PCK2: variants seen among roughly 807,000 people sequenced by gnomAD.
PCK2 encodes phosphoenolpyruvate carboxykinase 2, mitochondrial, also known as phosphoenolpyruvate carboxykinase [GTP], mitochondrial.
Under a neutral mutation model 65.9 loss-of-function variants are expected in PCK2, and 56 were observed. The ratio of observed to expected loss-of-function variants is 0.85; its 90% CI spans 0.69 to 1.06. The LOEUF (loss-of-function observed/expected upper bound fraction) is 1.06, where lower values mean the gene tolerates loss of function less well. PCK2 is among the 50% of genes least tolerant of loss of function. The probability of loss-of-function intolerance (pLI) is 0.00; values close to 1 mark genes in which losing one functional copy is unlikely to be tolerated. For missense variants in PCK2, 843 were observed against 863.1 expected, an observed-to-expected ratio of 0.98 and a Z score of 0.29; for synonymous variants, 305 against 319.6, an observed-to-expected ratio of 0.95 and a Z score of 0.49.
chr14:24,103,357 T>C, intron 9 of PCK2, 102 bp downstream of exon 9: 1 of 1,165,598 alleles, frequency 8.6e-7, no homozygotes, highest in Non-Finnish European at 1.3e-6. Context: ...TGGAGTCTGA[T>C]ATGGCCCCAC....
Position 24,102,812 on chromosome 14 carries a change from C to G in PCK2, c.1294C>G (p.Pro432Ala). ...SRFCAPARQC[P>A]IMDPAWEAPE... ...ATTTTGTGCCCCGGCTCGCCAGTGC[C>G]CCATCATGGACCCAGCCTGGGAGGC... Residue 432 changes from proline to alanine, a missense_variant, in exon 8 of 10, where the codon CCC becomes GCC. Transcript: ENST00000216780. The G allele has an allele frequency of 6.2e-7, 1 of 1,613,806 alleles. No individual in the cohort carries two copies. Among genetic ancestry groups the G allele is most frequent in the Non-Finnish European group, 8.5e-7 (1 of 1,179,668 alleles).
rs761048577 is a variant in PCK2 at position 24,097,082 on chromosome 14, C to T, written c.220C>T (p.Leu74=). Residue 74 remains leucine (L), a synonymous_variant, in exon 2 of 10, where the codon CTG becomes TTG. Transcript: ENST00000216780. ...AACTGAGGCTGAGAATACTGCCACA[C>T]TGACCCTGCTGGAGCAGCAGGGCCT... The part of the protein sequence containing the change: ...DGTEAENTAT[L]TLLEQQGLIR... The T allele has an allele frequency of 2.5e-6, 4 of 1,613,608 alleles. No homozygotes were observed. Among genetic ancestry groups the T allele is most frequent in the Middle Eastern group, 1.7e-4 (1 of 6,058 alleles).
chr14:24,097,221 C>T, intron 2 of PCK2, 84 bp downstream of exon 2: 1 of 1,254,580 alleles, frequency 8.0e-7, no homozygotes. Context: ...TTAACTAGAA[C>T]ATCCCAATGG....
rs951019715 is a variant in PCK2 at position 24,096,970 on chromosome 14, T to C, written c.108T>C (p.Asp36=). 4 of 1,613,548 alleles carry C rather than the reference T, an allele frequency of 2.5e-6. No homozygotes were observed. The highest frequency in any genetic ancestry group is 2.5e-6 in the Non-Finnish European group (3 of 1,179,726). Residue 36 remains aspartate (D), a synonymous_variant, in exon 2 of 10, where the codon GAT becomes GAC. Transcript: ENST00000216780. ...AGACCCTGCGAGTGCTTAGTGGAGATCTGGGCCAGCTTCCCACTGGCATTC... is the reference window on the plus strand; with the variant it reads ...AGACCCTGCGAGTGCTTAGTGGAGACCTGGGCCAGCTTCCCACTGGCATTC... ...SIQTLRVLSG[D]LGQLPTGIRD...
chr14:24,095,515 C>T (rs945226861), intron 1 of PCK2: 3 of 294,936 alleles, frequency 1.0e-5, no homozygotes, highest in East Asian at 1.6e-4. Context: ...CTTCCCCAGG[C>T]TAACACCCTC....
rs527341625 is a variant in PCK2, at chr14:24,098,508, G to A, written c.494G>A (p.Gly165Asp). 26 of 1,614,132 alleles carry A rather than the reference G, an allele frequency of 1.6e-5. No individual in the cohort carries two copies. In the East Asian group the frequency reaches 5.6e-4, roughly 35 times the overall value. Residue 165 changes from glycine to aspartate, a missense_variant, in exon 4 of 10, where the codon GGT (glycine) becomes GAT (aspartate). Gly to Asp is a moderately conservative substitution (Grantham distance 94, BLOSUM62 -1). Coordinates refer to ENST00000216780, the MANE Select transcript of PCK2 (RefSeq NM_004563.4). ...RTMYVLPFSMGPVGSPLSRIG... is the reference protein window; with the variant it reads ...RTMYVLPFSMDPVGSPLSRIG... ...ATGTATGTGCTTCCATTCAGCATGG[G>A]TCCTGTGGGCTCCCCGCTGTCCCGC...
chr14:24,098,223 C>A lies in PCK2; in HGVS notation c.296C>A (p.Pro99His), dbSNP rs369429110. 3 of 1,612,458 alleles carry A rather than the reference C, an allele frequency of 1.9e-6. No individual in the cohort carries two copies. The highest frequency in any genetic ancestry group is 2.7e-5 in the African/African-American group (2 of 74,914). ...YNNCWLARTD[P>H]KDVARVESKT... ...CCCAGCTGGCTGGCCCGCACAGACCCCAAGGATGTGGCACGAGTAGAGAGC... is the reference window on the plus strand; with the variant it reads ...CCCAGCTGGCTGGCCCGCACAGACCACAAGGATGTGGCACGAGTAGAGAGC... Residue 99 changes from proline (P) to histidine (H), a missense_variant, in exon 3 of 10, where the codon CCC becomes CAC. Coordinates refer to ENST00000216780, the MANE Select transcript of PCK2 (RefSeq NM_004563.4).
chr14:24,101,541 G>A lies in PCK2; in HGVS notation c.1235-1212G>A, dbSNP rs571538962. ...GGCTCCTGAGGTTATCCCTACCCATGTGATATCCCTATCTCTATTTTTCCA... is the reference window on the plus strand; with the variant it reads ...GGCTCCTGAGGTTATCCCTACCCATATGATATCCCTATCTCTATTTTTCCA... On this transcript the variant is annotated intron_variant, in intron 7 of 9. Coordinates refer to ENST00000216780, the MANE Select transcript of PCK2 (RefSeq NM_004563.4). Among the ~76,000 whole-genome samples, 8 of 152,356 alleles carry A rather than the reference G, an allele frequency of 5.3e-5. No homozygotes were observed. In the South Asian group the frequency reaches 6.2e-4, roughly 12 times the overall value.
chr14:24,094,382 C>A lies in PCK2; in HGVS notation c.-24C>A, dbSNP rs1424052095. The A allele has an allele frequency of 6.5e-7, 1 of 1,547,328 alleles. No individual in the cohort carries two copies. Among genetic ancestry groups the A allele is most frequent in the Non-Finnish European group, 8.7e-7 (1 of 1,150,096 alleles). On this transcript the variant is annotated 5_prime_UTR_variant, in exon 1 of 10. Transcript: ENST00000216780. The surrounding 1 kb of genome is among the most constrained non-coding windows in gnomAD (Gnocchi z 4.1). ...CCCGGCTCCGCTCGGTTCCTGGCCA[C>A]CCCGCAGCCCCTGCCCAGGTGCCAT...
At chr14:24,103,018 G>T in intron 8 of PCK2, 128 bp downstream of exon 8, 8 of 1,249,944 alleles carry the variant, frequency 6.4e-6, no homozygotes, top group Non-Finnish European at 9.3e-6. Flanking sequence ...CCTGGTGAAT[G>T]CAAACTTGGG....
At chr14:24,102,021 T>G (rs543024490) in intron 7 of PCK2, among the ~76,000 whole-genome samples, 1 of 151,198 alleles carries the variant, frequency 6.6e-6, no homozygotes, top group East Asian at 2.0e-4. Context: ...AGGTCAGGAG[T>G]TTGAAACCAG....
chr14:24,102,560 C>T (rs2037203110), intron 7 of PCK2, 193 bp from the exon 8 acceptor site: 3 of 591,852 alleles, frequency 5.1e-6, no homozygotes, highest in Admixed American at 5.7e-5. Context: ...GCTGGCCGCA[C>T]CTTCATGGCT....
At position 24,098,550 on chromosome 14, in the gene PCK2, C is replaced by T. The variant is rs1566576249; in HGVS notation, c.536C>T (p.Thr179Ile). 6.2e-7 allele frequency: 1 copy of T among 1,614,228 alleles called. No individual in the cohort carries two copies. The highest frequency in any genetic ancestry group is 8.5e-7 in the Non-Finnish European group (1 of 1,180,038). The change falls in exon 4 of 10, where the codon ACT becomes ATT. Residue 179 changes from threonine to isoleucine, a missense_variant. Thr to Ile is a moderately conservative substitution (Grantham distance 89). Transcript: ENST00000216780. The part of the protein sequence containing the change: ...SPLSRIGVQL[T>I]DSAYVVASMR... Reference sequence around the variant, plus strand: ...CTGTCCCGCATCGGGGTGCAGCTCACTGACTCAGCCTATGTGGTGGCAAGC... The same window carrying T: ...CTGTCCCGCATCGGGGTGCAGCTCATTGACTCAGCCTATGTGGTGGCAAGC...
intron 7 of PCK2, 81 bp downstream of exon 7, chr14:24,100,294 A>G (rs371003898): frequency 3.8e-6 from 6 of 1,565,472 alleles, no homozygotes; most frequent in Non-Finnish European, 5.2e-6. Flanking sequence ...ACAACCTCCA[A>G]CCATCTTCTA....
chr14:24,094,538 A>G lies in PCK2; in HGVS notation c.29+104A>G. The G allele has an allele frequency of 6.9e-7, 1 of 1,441,574 alleles. No homozygotes were observed. Among genetic ancestry groups the G allele is most frequent in the Non-Finnish European group, 9.1e-7 (1 of 1,102,436 alleles). 89.3% of individuals were successfully genotyped at this position (1,441,574 alleles called of 1,614,324 possible). On this transcript the variant is annotated intron_variant, in intron 1 of 9. Coordinates refer to ENST00000216780, the MANE Select transcript of PCK2 (RefSeq NM_004563.4). This position sits in a 1 kb window ranked among gnomAD's most constrained non-coding sequence, Gnocchi z 4.1. ...GCTCTCAGCCTCCGCCAGGTTTCCC[A>G]TCCTAGGCGGAGGCGGGCAGGGGCG...
Position 24,099,608 on chromosome 14 carries a change from C to A in PCK2, c.903C>A (p.Ala301=), listed in dbSNP as rs2037069219. 6.2e-7 allele frequency: 1 copy of A among 1,613,472 alleles called. No individual in the cohort carries two copies. Among genetic ancestry groups the A allele is most frequent in the Non-Finnish European group, 8.5e-7 (1 of 1,179,590 alleles). ...GGAAGAAGCGCTATGTGGCAGCCGCCTTCCCTAGTGCCTGTGGCAAGACCA... is the reference window on the plus strand; with the variant it reads ...GGAAGAAGCGCTATGTGGCAGCCGCATTCCCTAGTGCCTGTGGCAAGACCA... ...PAGKKRYVAA[A]FPSACGKTNL... is the part of the protein sequence containing the mutation. Residue 301 remains alanine (A), a synonymous_variant, in exon 6 of 10, where the codon GCC becomes GCA. Transcript: ENST00000216780.
chr14:24,097,468 G>A lies in PCK2; in HGVS notation c.275+331G>A, dbSNP rs559115901. Among the ~76,000 whole-genome samples, 8 of 151,674 alleles carry A rather than the reference G, an allele frequency of 5.3e-5. 1 individual carries two copies. The highest frequency in any genetic ancestry group is 4.2e-4 in the South Asian group (2 of 4,806). ...AATCCCAGCTACTTGGGAGGGTGAG[G>A]CAGGAGAATCACTTAAACCCAAGAG... On this transcript the variant is annotated intron_variant, in intron 2 of 9. Transcript: ENST00000216780.
intron 4 of PCK2, 54 bp from the exon 5 acceptor site, chr14:24,098,995 A>G (rs2037027938): frequency 9.2e-6 from 13 of 1,410,890 alleles, no homozygotes; most frequent in Non-Finnish European, 1.2e-5. Flanking sequence ...TCTGGCCCCG[A>G]CACCCCAGTT....
intron 7 of PCK2, among the ~76,000 whole-genome samples, chr14:24,101,696 T>C (rs1254707087): frequency 2.6e-5 from 4 of 152,080 alleles, no homozygotes; most frequent in African/African-American, 9.7e-5. Flanking sequence ...GCCGAGGCAG[T>C]TGGATCACCT....
Sources: allele counts gnomAD v4.1 joint callset (sites outside exome capture counted in the v4.1 genomes callset), GRCh38; gene constraint gnomAD v4.1.1; non-coding constraint Gnocchi (gnomAD v3.1); transcripts MANE v1.5; gene names NCBI Gene and HGNC (gene_info 2026-07-23, HGNC 2026-07-21).